Variants in FAM13A observed in about 807,000 individuals in gnomAD.
FAM13A encodes protein FAM13A.
A neutral mutation model predicts 129.6 loss-of-function variants in FAM13A; 76 were observed. That is an observed-to-expected ratio of 0.59 (90% CI 0.49 to 0.71). The LOEUF (loss-of-function observed/expected upper bound fraction) is 0.71. Among genes scored for constraint, FAM13A ranks in the 30% least tolerant of loss-of-function variants. The pLI, the probability that FAM13A is intolerant of heterozygous loss-of-function variation, is 0.00. For synonymous variants in FAM13A, 443 were observed against 449.9 expected, an observed-to-expected ratio of 0.98 and a Z score of 0.20; for missense variants, 1,108 against 1,249.3, an observed-to-expected ratio of 0.89 and a Z score of 1.70.
At chr4:88,960,153 A>C (rs1758377018) in intron 4 of FAM13A, among the ~76,000 whole-genome samples, 1 of 152,226 alleles carries the variant, frequency 6.6e-6, no homozygotes, top group African/African-American at 2.4e-5. Context: ...CCATGTGGAA[A>C]TATCTATACC....
intron 7 of FAM13A, among the ~76,000 whole-genome samples, chr4:88,837,960 GA>G (rs1379184166): frequency 2.6e-5 from 4 of 151,636 alleles, no homozygotes; most frequent in South Asian, 2.1e-4. Flanking sequence ...TAATATTTGG[GA>G]AAAAAAATGC....
rs531299002 is a variant in FAM13A, at chr4:88,892,896, T to C, written c.843+13483A>G. 4.6e-5 allele frequency among the ~76,000 whole-genome samples: 7 copies of C among 152,164 alleles called. 1 individual carries two copies. In the South Asian group the frequency reaches 1.2e-3, roughly 27 times the overall value. ...ACAATATTGATTTATTTGATCATAT[T>C]AAAAAAATCTTTTATACATTAAAAG... On this transcript the variant is annotated intron_variant, in intron 6 of 23. Coordinates refer to ENST00000264344, the MANE Select transcript of FAM13A (RefSeq NM_014883.4).
chr4:88,727,840 C>G lies in FAM13A; in HGVS notation c.*693G>C, dbSNP rs1736735644. The G allele has an allele frequency of 6.6e-6, 1 of 152,266 alleles. No homozygotes were observed. Among genetic ancestry groups the G allele is most frequent in the Non-Finnish European group, 1.5e-5 (1 of 68,064 alleles). The allele number at this position is 152,266 out of a possible 1,614,324, so 9.4% of individuals were successfully genotyped here. On this transcript the variant is annotated 3_prime_UTR_variant, in exon 24 of 24. Coordinates refer to ENST00000264344, the MANE Select transcript of FAM13A (RefSeq NM_014883.4). ...CATCTCTCTGTCCTCTGCAGATGACCCGGTCCTAGGCAGGGACCAAAATTC... is the reference window on the plus strand; with the variant it reads ...CATCTCTCTGTCCTCTGCAGATGACGCGGTCCTAGGCAGGGACCAAAATTC...
rs763386420 is a variant in FAM13A, at chr4:88,726,486, CTCATT to C, written c.*2042_*2046del. On this transcript the variant is annotated 3_prime_UTR_variant, in exon 24 of 24. Coordinates refer to ENST00000264344, the MANE Select transcript of FAM13A (RefSeq NM_014883.4). ...CAGATTCCAAAACAATTAGTAGCATCTCATTTATTTGTAGCTTAAAAAAAAATTCT... is the reference window on the plus strand; with the variant it reads ...CAGATTCCAAAACAATTAGTAGCATCTATTTGTAGCTTAAAAAAAAATTCT... 6.6e-6 allele frequency: 1 copy of C among 152,498 alleles called. No homozygotes were observed. The highest frequency in any genetic ancestry group is 1.5e-5 in the Non-Finnish European group (1 of 68,014). The allele number at this position is 152,498 out of a possible 1,614,324, so 9.4% of individuals were successfully genotyped here.
intron 14 of FAM13A, among the ~76,000 whole-genome samples, chr4:88,753,195 T>C (rs1280025638): frequency 6.6e-6 from 1 of 152,244 alleles, no homozygotes; most frequent in Non-Finnish European, 1.5e-5. Flanking sequence ...TCTCTGTGTA[T>C]ACAAATTTTT....
Position 88,971,576 on chromosome 4 carries a change from G to A in FAM13A, c.605+19397C>T, listed in dbSNP as rs371612012. Among the ~76,000 whole-genome samples, 6 of 152,248 alleles carry A rather than the reference G, an allele frequency of 3.9e-5. No individual in the cohort carries two copies. The East Asian group carries it at 7.7e-4, about 20-fold the overall frequency. Reference sequence around the variant, plus strand: ...GGCTAGCATGCAGTGGCATGATCATGGCTCATTGCAGCCTTGAACTCCTTG... The same window carrying A: ...GGCTAGCATGCAGTGGCATGATCATAGCTCATTGCAGCCTTGAACTCCTTG... On this transcript the variant is annotated intron_variant, in intron 4 of 23. Transcript: ENST00000264344.
chr4:88,962,819 G>C (rs993155830), intron 4 of FAM13A, among the ~76,000 whole-genome samples: 1 of 152,014 alleles, frequency 6.6e-6, no homozygotes, highest in Non-Finnish European at 1.5e-5. Flanking sequence ...GAAAGAATTA[G>C]GTAAATTCCA....
intron 6 of FAM13A, among the ~76,000 whole-genome samples, chr4:88,888,798 T>C (rs1476769348): frequency 1.4e-5 from 2 of 147,028 alleles, no homozygotes; most frequent in East Asian, 2.0e-4. Context: ...TAGCCGGGTG[T>C]GTTGGCGGGT....
At chr4:88,810,317 T>C (rs1729429363) in intron 7 of FAM13A, among the ~76,000 whole-genome samples, 1 of 152,114 alleles carries the variant, frequency 6.6e-6, no homozygotes, top group Non-Finnish European at 1.5e-5. Flanking sequence ...CCCAAAAATA[T>C]ACACTGAAAC....
intron 4 of FAM13A, among the ~76,000 whole-genome samples, chr4:88,983,380 G>A (rs1477248513): frequency 6.6e-6 from 1 of 151,952 alleles, no homozygotes; most frequent in East Asian, 1.9e-4. Context: ...CACCTAATAG[G>A]AAAATGGCAA....
Position 89,020,680 on chromosome 4 carries a change from A to G in FAM13A, c.218-11T>C. The G allele has an allele frequency of 6.3e-7, 1 of 1,588,154 alleles. No individual in the cohort carries two copies. The highest frequency in any genetic ancestry group is 8.6e-7 in the Non-Finnish European group (1 of 1,156,278). ...CTTCTTGGGTAAGTCCTGGAAGAGCAAAGTAGGCACAGAAAATAAATAGGT... is the reference window on the plus strand; with the variant it reads ...CTTCTTGGGTAAGTCCTGGAAGAGCGAAGTAGGCACAGAAAATAAATAGGT... On this transcript the variant is annotated splice_polypyrimidine_tract_variant and intron_variant, in intron 2 of 23. Transcript: ENST00000264344.
rs77038870 is a variant in FAM13A at position 88,969,846 on chromosome 4, G to C, written c.605+21127C>G. ...TAGAGATAGTGAATGCCAGAGCCTG[G>C]ACTGGAATCCAGTCAGTCTAGTGCT... On this transcript the variant is annotated intron_variant, in intron 4 of 23. Coordinates refer to ENST00000264344, the MANE Select transcript of FAM13A (RefSeq NM_014883.4). 3.1e-3 allele frequency among the ~76,000 whole-genome samples: 476 copies of C among 152,346 alleles called. 1 individual carries two copies. Among genetic ancestry groups the C allele is most frequent in the Non-Finnish European group, 5.6e-3 (379 of 68,026 alleles).
intron 8 of FAM13A, among the ~76,000 whole-genome samples, chr4:88,798,856 G>A (rs1336551025): frequency 6.6e-6 from 1 of 151,930 alleles, no homozygotes; most frequent in Non-Finnish European, 1.5e-5. Context: ...AGAGAGGCAG[G>A]GAAACTGAGG....
chr4:88,739,976 G>A (rs1739888021), intron 19 of FAM13A, among the ~76,000 whole-genome samples: 1 of 152,016 alleles, frequency 6.6e-6, no homozygotes, highest in African/African-American at 2.4e-5. Flanking sequence ...ATGTTTAAAG[G>A]ACTGATTCTC....
chr4:88,754,719 G>C (rs764544583), intron 14 of FAM13A, among the ~76,000 whole-genome samples: 29 of 152,154 alleles, frequency 1.9e-4, no homozygotes, highest in Non-Finnish European at 2.1e-4. Flanking sequence ...CTATGAAATT[G>C]TTCAATTAGT....
At chr4:89,012,575 A>C (rs1263711313) in intron 3 of FAM13A, among the ~76,000 whole-genome samples, 1 of 152,236 alleles carries the variant, frequency 6.6e-6, no homozygotes, top group Non-Finnish European at 1.5e-5. Flanking sequence ...GACATCAGAC[A>C]CATCCAAAGT....
intron 4 of FAM13A, among the ~76,000 whole-genome samples, chr4:88,972,363 G>A (rs1354082272): frequency 6.7e-6 from 1 of 148,644 alleles, no homozygotes; most frequent in Non-Finnish European, 1.5e-5. Context: ...TTGCAGTGGT[G>A]CGATCTCGCC....
At chr4:88,847,566 T>C (rs981045924) in intron 7 of FAM13A, among the ~76,000 whole-genome samples, 1 of 152,222 alleles carries the variant, frequency 6.6e-6, no homozygotes, top group Admixed American at 6.5e-5. Context: ...TACTGATTCA[T>C]TCTCCAAAAG....
Position 88,840,574 on chromosome 4 carries a change from G to A in FAM13A, c.1007+10446C>T, listed in dbSNP as rs549155735. Among the ~76,000 whole-genome samples, 18 of 151,396 alleles carry A rather than the reference G, an allele frequency of 1.2e-4. No homozygotes were observed. The South Asian group carries it at 3.4e-3, about 29-fold the overall frequency. On this transcript the variant is annotated intron_variant, in intron 7 of 23. Coordinates refer to ENST00000264344, the MANE Select transcript of FAM13A (RefSeq NM_014883.4). ...CATGTACGTGACTCTAGAGAGGTGC[G>A]GGTTCAGCTCATCCACTGTAATGGG... is the stretch of plus-strand genomic sequence containing the variant.
Sources: gnomAD v4.1 joint callset for allele counts (sites outside exome capture counted in the v4.1 genomes callset) on GRCh38, gnomAD v4.1.1 for gene constraint, MANE v1.5 for transcripts, NCBI Gene and HGNC (gene_info 2026-07-23, HGNC 2026-07-21) for gene names.